Variants in PTK2 observed in about 807,000 individuals in gnomAD.
PTK2 encodes the protein focal adhesion kinase 1.
In PTK2, 45 loss-of-function variants were observed where a neutral mutation model predicts 150.1. The ratio of observed to expected loss-of-function variants is 0.30; its 90% CI spans 0.24 to 0.38. The LOEUF (loss-of-function observed/expected upper bound fraction) is 0.38, where lower values mean the gene tolerates loss of function less well. PTK2 is among the 10% of genes least tolerant of loss of function. The pLI, the probability that PTK2 is intolerant of heterozygous loss-of-function variation, is 1.00. For synonymous variants in PTK2, 432 were observed against 449.2 expected, an observed-to-expected ratio of 0.96 and a Z score of 0.48; for missense variants, 919 against 1,307.3, an observed-to-expected ratio of 0.70 and a Z score of 4.58.
At chr8:140,957,022 T>C (rs868092418) in intron 1 of PTK2, among the ~76,000 whole-genome samples, 9 of 151,922 alleles carry the variant, frequency 5.9e-5, no homozygotes, top group East Asian at 3.9e-4. Context: ...GATGATGCCA[T>C]TGCACTCCAG....
In PTK2 at chr8:140,977,127, T is replaced by C. The variant is rs553855556; in HGVS notation, c.-122+23998A>G. Among the ~76,000 whole-genome samples, 5 of 152,236 alleles carry C rather than the reference T, an allele frequency of 3.3e-5. No individual in the cohort carries two copies. In the South Asian group the frequency reaches 1.0e-3, roughly 32 times the overall value. On this transcript the variant is annotated intron_variant, in intron 1 of 31. Transcript: ENST00000522684. ...TTTATGGGCCAGGTGTGGTGGCTCC[T>C]GCCTGTAAATCCAGCACTTTGGGAG...
chr8:140,972,132 T>C (rs1048912252), intron 1 of PTK2, among the ~76,000 whole-genome samples: 12 of 152,190 alleles, frequency 7.9e-5, no homozygotes, highest in Middle Eastern at 3.2e-3. Context: ...ATGTTGATAA[T>C]AGCAAACACT....
At chr8:140,775,571 G>A (rs545033348) in intron 14 of PTK2, among the ~76,000 whole-genome samples, 168 of 152,100 alleles carry the variant, frequency 1.1e-3, no homozygotes, top group African/African-American at 4.0e-3. Context: ...TCTAACTCCT[G>A]GGCTCAAGAA....
chr8:140,672,785 G>A (rs2100011371), intron 29 of PTK2, among the ~76,000 whole-genome samples: 1 of 152,222 alleles, frequency 6.6e-6, no homozygotes, highest in Admixed American at 6.5e-5. Context: ...ATCTAACGAA[G>A]CTTCAGCTTT....
chr8:140,876,653 T>C (rs76975970), intron 4 of PTK2, among the ~76,000 whole-genome samples: 3,508 of 152,292 alleles, frequency 0.023, 139 homozygotes, highest in African/African-American at 0.079. Flanking sequence ...TCTATTCTTC[T>C]TGAGTTTCTG....
At chr8:140,786,577 T>C (rs139126272) in intron 14 of PTK2, among the ~76,000 whole-genome samples, 17 of 152,086 alleles carry the variant, frequency 1.1e-4, no homozygotes, top group East Asian at 3.9e-4. Context: ...TATCACACCA[T>C]TGAATGTCAG....
At chr8:140,924,167 C>A (rs2100168581) in intron 2 of PTK2, among the ~76,000 whole-genome samples, 2 of 152,172 alleles carry the variant, frequency 1.3e-5, no homozygotes, top group African/African-American at 4.8e-5. Flanking sequence ...AGGGACTCTG[C>A]ACTGCCTGTC....
chr8:140,980,854 G>A (rs2100191144), intron 1 of PTK2, among the ~76,000 whole-genome samples: 2 of 147,086 alleles, frequency 1.4e-5, no homozygotes, highest in South Asian at 2.2e-4. Flanking sequence ...AGGTTCAAAC[G>A]ATTCTCCTGC....
chr8:140,960,753 G>T (rs1288119725), intron 1 of PTK2, among the ~76,000 whole-genome samples: 3 of 152,120 alleles, frequency 2.0e-5, no homozygotes, highest in Non-Finnish European at 2.9e-5. Flanking sequence ...AGGCCAAGGC[G>T]GGCAGATCAC....
Position 140,769,599 on chromosome 8 carries a change from A to T in PTK2, c.1178-5309T>A. 3.7e-6 allele frequency: 5 copies of T among 1,362,050 alleles called. No individual in the cohort carries two copies. Among genetic ancestry groups the T allele is most frequent in the Non-Finnish European group, 4.9e-6 (5 of 1,026,382 alleles). 84.4% of individuals were successfully genotyped at this position (1,362,050 alleles called of 1,614,324 possible). On this transcript the variant is annotated intron_variant, in intron 14 of 31. Coordinates refer to ENST00000522684, the Ensembl canonical transcript of PTK2. The stretch of plus-strand genomic sequence containing the variant: ...CCGTCCCCACTAATTTCATCTGCAG[A>T]TCCGGGTGGCATGCAAAGAAAGGGA...
Position 140,704,736 on chromosome 8 carries a change from G to T in PTK2, c.2229+1383C>A, listed in dbSNP as rs79006074. Among the ~76,000 whole-genome samples the T allele has an allele frequency of 3.3e-5, 5 of 152,074 alleles. No individual in the cohort carries two copies. The South Asian group carries it at 1.0e-3, about 32-fold the overall frequency. On this transcript the variant is annotated intron_variant, in intron 24 of 31. Transcript: ENST00000522684. ...GGGTTTCTTTCTTTAGGCCACCTAC[G>T]TACTTCCCATTGCTCTGACCCTTGT...
At chr8:140,704,093 T>C (rs2100032322) in intron 24 of PTK2, among the ~76,000 whole-genome samples, 1 of 152,226 alleles carries the variant, frequency 6.6e-6, no homozygotes, top group Non-Finnish European at 1.5e-5. Flanking sequence ...TGCTACTAAA[T>C]GCAAAATGCT....
intron 3 of PTK2, among the ~76,000 whole-genome samples, chr8:140,880,059 A>G (rs2100148309): frequency 6.6e-6 from 1 of 152,226 alleles, no homozygotes; most frequent in Non-Finnish European, 1.5e-5. Context: ...CAGGGAGATC[A>G]TACTGTTCAA....
At chr8:140,813,786 AG>A (rs2100103002) in intron 10 of PTK2, among the ~76,000 whole-genome samples, 1 of 152,152 alleles carries the variant, frequency 6.6e-6, no homozygotes, top group African/African-American at 2.4e-5. Context: ...AACTAGAAGA[AG>A]AAAAGAACTA....
In PTK2 at chr8:140,864,344, CT is replaced by C; in HGVS notation, c.417del (p.Asp140IlefsTer5). 6.3e-7 allele frequency: 1 copy of C among 1,599,312 alleles called. No homozygotes were observed. The highest frequency in any genetic ancestry group is 8.5e-7 in the Non-Finnish European group (1 of 1,172,692). ...TAGAAGAAATTCAAAGTTGGCTTAT[CT>C]TCAGTAAACTGGTTTAGAAATCCTT... On this transcript the variant is annotated frameshift_variant, in exon 5 of 32. Transcript: ENST00000522684. LOFTEE classifies it high-confidence loss of function.
chr8:140,974,814 T>C (rs1736685485), intron 1 of PTK2, among the ~76,000 whole-genome samples: 1 of 152,138 alleles, frequency 6.6e-6, no homozygotes, highest in South Asian at 2.1e-4. Context: ...CAGGGGTTCA[T>C]GGACCTAAGA....
intron 1 of PTK2, among the ~76,000 whole-genome samples, chr8:140,942,990 G>A (rs934895278): frequency 6.6e-6 from 1 of 152,220 alleles, no homozygotes; most frequent in Non-Finnish European, 1.5e-5. Flanking sequence ...GCCATGTGAC[G>A]CATCTGCTCC....
At chr8:140,953,316 G>A (rs1465947066) in intron 1 of PTK2, among the ~76,000 whole-genome samples, 1 of 152,086 alleles carries the variant, frequency 6.6e-6, no homozygotes, top group Non-Finnish European at 1.5e-5. Flanking sequence ...ACATTAACAA[G>A]AATAACATAA....
intron 7 of PTK2, among the ~76,000 whole-genome samples, chr8:140,845,721 T>G (rs1314820195): frequency 2.0e-5 from 3 of 152,226 alleles, no homozygotes; most frequent in Non-Finnish European, 2.9e-5. Context: ...AGTTATCTTT[T>G]GCTGAATTAA....
Sources: allele counts gnomAD v4.1 joint callset (sites outside exome capture counted in the v4.1 genomes callset), GRCh38; gene constraint gnomAD v4.1.1; transcripts MANE v1.5; gene names NCBI Gene and HGNC (gene_info 2026-07-23, HGNC 2026-07-21).